FAM184B: variants seen among roughly 807,000 people sequenced by gnomAD.
The protein encoded by FAM184B is family with sequence similarity 184 member B, also known as protein FAM184B.
In FAM184B, 111 loss-of-function variants were observed where a neutral mutation model predicts 135.9. The observed-to-expected ratio is 0.82, with a 90% CI of 0.70 to 0.96. The LOEUF is 0.96. FAM184B is among the 40% of genes least tolerant of loss of function. The pLI is 0.00. For synonymous variants in FAM184B, 552 were observed against 524.8 expected, an observed-to-expected ratio of 1.05 and a Z score of -0.71; for missense variants, 1,375 against 1,323.9, an observed-to-expected ratio of 1.04 and a Z score of -0.60.
At chr4:17,691,424 G>A (rs1449432798) in intron 6 of FAM184B, among the ~76,000 whole-genome samples, 1 of 152,166 alleles carries the variant, frequency 6.6e-6, no homozygotes, top group Non-Finnish European at 1.5e-5. Context: ...GGTGGCTCAC[G>A]CCTGTAATCC....
chr4:17,687,105 G>A (rs1406214809), intron 7 of FAM184B, among the ~76,000 whole-genome samples: 5 of 152,214 alleles, frequency 3.3e-5, no homozygotes, highest in Admixed American at 2.6e-4. Context: ...AGAGGAGTAT[G>A]CCATGGGGGC....
At chr4:17,657,814 G>A (rs919323162) in intron 10 of FAM184B, among the ~76,000 whole-genome samples, 1 of 151,778 alleles carries the variant, frequency 6.6e-6, no homozygotes, top group Non-Finnish European at 1.5e-5. Context: ...CTGCCACCAC[G>A]CCGAGTTAAT....
At chr4:17,757,907 A>G (rs1366664490) in intron 1 of FAM184B, among the ~76,000 whole-genome samples, 1 of 152,134 alleles carries the variant, frequency 6.6e-6, no homozygotes, top group Non-Finnish European at 1.5e-5. Flanking sequence ...TGTGAGTGAG[A>G]TAATCAATAG....
Position 17,780,324 on chromosome 4 carries a change from C to T in FAM184B, c.141+835G>A, listed in dbSNP as rs182529433. Among the ~76,000 whole-genome samples, 5 of 152,248 alleles carry T rather than the reference C, an allele frequency of 3.3e-5. 1 individual carries two copies. The East Asian group carries it at 5.8e-4, about 18-fold the overall frequency. On this transcript the variant is annotated intron_variant, in intron 1 of 17. Coordinates refer to ENST00000265018, the MANE Select transcript of FAM184B (RefSeq NM_015688.2). Reference sequence around the variant, plus strand: ...TGGCACCAGGAGTTTATTATGAGACCGAAAGGAAACCCCAAGGCAAACAGC... The same window carrying T: ...TGGCACCAGGAGTTTATTATGAGACTGAAAGGAAACCCCAAGGCAAACAGC...
chr4:17,727,912 G>T (rs775557167), intron 1 of FAM184B, among the ~76,000 whole-genome samples: 12 of 152,102 alleles, frequency 7.9e-5, no homozygotes, highest in Non-Finnish European at 1.5e-4. Flanking sequence ...TGTTTGGTTA[G>T]CTCTGTTATA....
intron 7 of FAM184B, among the ~76,000 whole-genome samples, chr4:17,683,723 C>A (rs62295634): frequency 0.53 from 80,750 of 151,506 alleles, 23,452 homozygotes; most frequent in East Asian, 0.82. Context: ...AAAAAAATGA[C>A]GCTAAAAGGG....
Position 17,781,052 on chromosome 4 carries a change from G to A in FAM184B, c.141+107C>T. On this transcript the variant is annotated intron_variant, in intron 1 of 17. Coordinates refer to ENST00000265018, the MANE Select transcript of FAM184B (RefSeq NM_015688.2). This position sits in a 1 kb window ranked among gnomAD's most constrained non-coding sequence, Gnocchi z 6.5. Reference sequence around the variant, plus strand: ...CTTCCCGGTTGGCCTCCGAGACAAAGTTTCTGTCTGGATTTGGCCCGGGCC... The same window carrying A: ...CTTCCCGGTTGGCCTCCGAGACAAAATTTCTGTCTGGATTTGGCCCGGGCC... 8 of 1,369,102 alleles carry A rather than the reference G, an allele frequency of 5.8e-6. No individual in the cohort carries two copies. Among genetic ancestry groups the A allele is most frequent in the Non-Finnish European group, 7.7e-6 (8 of 1,040,662 alleles). 84.8% of individuals were successfully genotyped at this position (1,369,102 alleles called of 1,614,324 possible). A position where few individuals can be genotyped will look rare whatever the true frequency, so the allele number is the denominator to read the frequency against.
intron 6 of FAM184B, among the ~76,000 whole-genome samples, chr4:17,688,841 A>C (rs1560176915): frequency 6.6e-6 from 1 of 151,772 alleles, no homozygotes; most frequent in Non-Finnish European, 1.5e-5. Context: ...ACAGGTATGC[A>C]CCACCACGCC....
intron 6 of FAM184B, among the ~76,000 whole-genome samples, chr4:17,689,218 T>C (rs1716666367): frequency 6.6e-6 from 1 of 152,162 alleles, no homozygotes; most frequent in South Asian, 2.1e-4. Flanking sequence ...AAGAATTATA[T>C]AGGTAAAATG....
At chr4:17,713,710 C>A (rs1016251223) in intron 1 of FAM184B, among the ~76,000 whole-genome samples, 1 of 151,850 alleles carries the variant, frequency 6.6e-6, no homozygotes, top group Admixed American at 6.6e-5. Context: ...CTGAAGCACA[C>A]GTTCTACACA....
intron 12 of FAM184B, among the ~76,000 whole-genome samples, chr4:17,644,785 A>G (rs1715416922): frequency 6.6e-6 from 1 of 152,214 alleles, no homozygotes; most frequent in Non-Finnish European, 1.5e-5. Flanking sequence ...GAAAAGAGGA[A>G]GTCAAATTGT....
chr4:17,688,663 C>T (rs1222302987), intron 6 of FAM184B, 132 bp from the exon 7 acceptor site: 2 of 404,920 alleles, frequency 4.9e-6, no homozygotes, highest in East Asian at 5.7e-5. Flanking sequence ...AAATTCTACA[C>T]ACACTTCTAG....
chr4:17,703,454 C>T (rs1717033546), intron 5 of FAM184B, among the ~76,000 whole-genome samples: 2 of 151,394 alleles, frequency 1.3e-5, no homozygotes, highest in African/African-American at 2.4e-5. Flanking sequence ...GCCATGATCA[C>T]ACCAATGCAC....
rs1008381655 is a variant in FAM184B, at chr4:17,667,783, T to C, written c.1597-3124A>G. 4.6e-5 allele frequency among the ~76,000 whole-genome samples: 7 copies of C among 152,272 alleles called. No individual in the cohort carries two copies. The South Asian group carries it at 1.4e-3, about 32-fold the overall frequency. ...AGTGAAGCAGCAGTCATTTCCTTGT[T>C]ATGCTTGCATGCTTGGATGCTTGAA... On this transcript the variant is annotated intron_variant, in intron 7 of 17. Coordinates refer to ENST00000265018, the MANE Select transcript of FAM184B (RefSeq NM_015688.2).
intron 12 of FAM184B, among the ~76,000 whole-genome samples, chr4:17,647,342 T>A (rs1241692826): frequency 6.7e-6 from 1 of 149,984 alleles, no homozygotes; most frequent in Non-Finnish European, 1.5e-5. Context: ...AGCCTGGAAC[T>A]CCTGGTCAAG....
chr4:17,714,237 C>G (rs972617384), intron 1 of FAM184B, among the ~76,000 whole-genome samples: 4 of 152,172 alleles, frequency 2.6e-5, no homozygotes, highest in African/African-American at 9.7e-5. Context: ...GCAGAGGCCC[C>G]ATTTCCTAGC....
intron 1 of FAM184B, among the ~76,000 whole-genome samples, chr4:17,776,989 G>C (rs1718940654): frequency 6.6e-6 from 1 of 152,148 alleles, no homozygotes; most frequent in Non-Finnish European, 1.5e-5. Context: ...AGAAGTAAAA[G>C]TTATCATACA....
At chr4:17,758,565 G>A (rs1718469354) in intron 1 of FAM184B, among the ~76,000 whole-genome samples, 1 of 152,204 alleles carries the variant, frequency 6.6e-6, no homozygotes, top group South Asian at 2.1e-4. Context: ...AAGGCAAGAG[G>A]AAGAGAAGGT....
chr4:17,778,648 C>T (rs939948961), intron 1 of FAM184B, among the ~76,000 whole-genome samples: 2 of 151,964 alleles, frequency 1.3e-5, no homozygotes, highest in Admixed American at 6.6e-5. Flanking sequence ...GCCAGGAGTT[C>T]GAGACCAGCT....
Sources: gnomAD v4.1 joint callset for allele counts (sites outside exome capture counted in the v4.1 genomes callset) on GRCh38, gnomAD v4.1.1 for gene constraint, Gnocchi (gnomAD v3.1) non-coding constraint, MANE v1.5 for transcripts, NCBI Gene and HGNC (gene_info 2026-07-23, HGNC 2026-07-21) for gene names.